SLC29A2: variants seen among roughly 807,000 people sequenced by gnomAD.
SLC29A2 encodes solute carrier family 29 member 2, also known as equilibrative nucleoside transporter 2.
SLC29A2 carries 37 observed loss-of-function variants against 48.8 expected under a neutral mutation model. That is an observed-to-expected ratio of 0.76 (90% CI 0.58 to 1.00). The LOEUF (loss-of-function observed/expected upper bound fraction) is 1.00. SLC29A2 is among the 50% of genes least tolerant of loss of function. The pLI is 0.00. For missense variants in SLC29A2, 533 were observed against 578.6 expected (o/e 0.92, Z 0.81); for synonymous variants, 233 against 261.7 (o/e 0.89, Z 1.06).
intron 1 of SLC29A2, 31 bp downstream of exon 1, chr11:66,371,532 G>T (rs1391057636): frequency 1.3e-6 from 2 of 1,549,854 alleles, no homozygotes; most frequent in Non-Finnish European, 8.7e-7. Flanking sequence ...CAACGCCCCC[G>T]GCCACTTGCA....
intron 2 of SLC29A2, among the ~76,000 whole-genome samples, chr11:66,370,288 T>G (rs1231685618): frequency 1.3e-5 from 2 of 152,218 alleles, no homozygotes; most frequent in African/African-American, 4.8e-5. Flanking sequence ...TGCACTCTGC[T>G]GCAAGCCTGG....
Position 66,369,552 on chromosome 11 carries a change from T to G in SLC29A2, c.112-20A>C. The stretch of plus-strand genomic sequence containing the variant: ...GAAGTACTGCCAGGTGGGGAGGTGG[T>G]GGAGGGTCAGCACCTCTCAGCCTTC... On this transcript the variant is annotated intron_variant, in intron 2 of 11. Coordinates refer to ENST00000357440, the MANE Select transcript of SLC29A2 (RefSeq NM_001532.3). 3 of 1,613,430 alleles carry G rather than the reference T, an allele frequency of 1.9e-6. No homozygotes were observed. The highest frequency in any genetic ancestry group is 2.5e-6 in the Non-Finnish European group (3 of 1,179,804).
rs1323022476 is a variant in SLC29A2 at position 66,366,552 on chromosome 11, A to G, written c.746T>C (p.Ile249Thr). ...AGCTACTTTCTGGGGACTACTGGGA[A>G]TCCCGTTCTCATCTGGGGTGAGGGG... is the stretch of plus-strand genomic sequence containing the variant. ...AELLQSDENGIPSSPQKVALT... is the reference protein window; with the variant it reads ...AELLQSDENGTPSSPQKVALT... Residue 249 changes from isoleucine (I) to threonine (T), a missense_variant, in exon 8 of 12, where the codon ATT becomes ACT. Physicochemically the swap from Ile to Thr is moderately conservative, Grantham distance 89 (BLOSUM62 -1). Transcript: ENST00000357440. 1.9e-6 allele frequency: 3 copies of G among 1,613,580 alleles called. No individual in the cohort carries two copies. The African/African-American group carries it at 4.0e-5, about 22-fold the overall frequency.
chr11:66,364,465 G>GTC, intron 10 of SLC29A2, 41 bp from the exon 11 acceptor site: 1 of 1,526,088 alleles, frequency 6.6e-7, no homozygotes, highest in Non-Finnish European at 9.0e-7. Context: ...CTGGAGCCAG[G>GTC]TCTCTGCTCC....
intron 6 of SLC29A2, 28 bp from the exon 7 acceptor site, chr11:66,367,576 C>T (rs373981070): frequency 2.5e-6 from 4 of 1,610,906 alleles, no homozygotes; most frequent in Non-Finnish European, 3.4e-6. Context: ...AGTGTTGGGC[C>T]TGCCTGGCTT....
Position 66,371,624 on chromosome 11 carries a change from G to C in SLC29A2, c.-33C>G, listed in dbSNP as rs1358541592. 3.9e-6 allele frequency: 6 copies of C among 1,540,712 alleles called. No homozygotes were observed. Among genetic ancestry groups the C allele is most frequent in the Middle Eastern group, 1.8e-4 (1 of 5,498 alleles). On this transcript the variant is annotated 5_prime_UTR_variant, in exon 1 of 12. Transcript: ENST00000357440. ...GCGGCGGATGCGCCTGGGGTGAAAG[G>C]GGCAGAGAAGCCGCACCTGCACCTG...
At position 66,363,441 on chromosome 11, in the gene SLC29A2, G is replaced by A; in HGVS notation, c.1366C>T (p.Leu456Phe). 8 of 1,612,390 alleles carry A rather than the reference G, an allele frequency of 5.0e-6. No homozygotes were observed. The highest frequency in any genetic ancestry group is 5.9e-6 in the Non-Finnish European group (7 of 1,178,434). Residue 456 changes from leucine to phenylalanine, a missense_variant, in exon 12 of 12, where the codon CTC becomes TTC. Physicochemically the swap from Leu to Phe is conservative, Grantham distance 22 (BLOSUM62 0). Transcript: ENST00000357440. ...AAGAGCCTGGAGGGGCCACTTCAGA[G>A]CAGCGCCTTGAAGAGGAAGGAGAGG... ...ASLSFLFKAL[L>F]
chr11:66,369,540 G>T lies in SLC29A2; in HGVS notation c.112-8C>A, dbSNP rs748450205. On this transcript the variant is annotated splice_polypyrimidine_tract_variant and splice_region_variant and intron_variant, in intron 2 of 11. Coordinates refer to ENST00000357440, the MANE Select transcript of SLC29A2 (RefSeq NM_001532.3). ...CAGTCGCGCCTGGAAGTACTGCCAG[G>T]TGGGGAGGTGGTGGAGGGTCAGCAC... 2.5e-6 allele frequency: 4 copies of T among 1,613,620 alleles called. No homozygotes were observed. Among genetic ancestry groups the T allele is most frequent in the East Asian group, 4.5e-5 (2 of 44,878 alleles).
intron 2 of SLC29A2, among the ~76,000 whole-genome samples, chr11:66,370,487 T>C (rs1057184252): frequency 3.9e-5 from 6 of 152,216 alleles, no homozygotes; most frequent in South Asian, 4.1e-4. Context: ...CCCACATTTC[T>C]GCCTTCCCTG....
At chr11:66,371,877 ACCTAGGGG>A (rs1856069084), upstream of SLC29A2, 9 of 504,756 alleles carry the variant, frequency 1.8e-5, no homozygotes, top group East Asian at 1.4e-4. Context: ...GCCCCGCCCC[ACCTAGGGG>A]CCTGCGGAAC....
At chr11:66,369,848 G>A (rs1012607702) in intron 2 of SLC29A2, among the ~76,000 whole-genome samples, 2 of 152,178 alleles carry the variant, frequency 1.3e-5, no homozygotes, top group African/African-American at 2.4e-5. Context: ...TTCATTCCAC[G>A]GGTATTTATT....
chr11:66,367,903 C>T (rs370593832), intron 5 of SLC29A2, 34 bp from the exon 6 acceptor site: 41 of 1,572,192 alleles, frequency 2.6e-5, no homozygotes, highest in Non-Finnish European at 3.2e-5. Flanking sequence ...AAGAGAGGCA[C>T]CTGGTCCCGC....
chr11:66,363,829 G>C (rs1855507822), intron 11 of SLC29A2: 1 of 534,014 alleles, frequency 1.9e-6, no homozygotes. Context: ...ATTCTCTCTG[G>C]ATTCTCCACT....
At chr11:66,369,564 A>G in intron 2 of SLC29A2, 32 bp from the exon 3 acceptor site, 2 of 1,612,526 alleles carry the variant, frequency 1.2e-6, no homozygotes, top group Non-Finnish European at 1.7e-6. Flanking sequence ...GAGGGTCAGC[A>G]CCTCTCAGCC....
chr11:66,371,676 TGGGGCGG>T lies in SLC29A2; in HGVS notation c.-92_-86del. On this transcript the variant is annotated 5_prime_UTR_variant, in exon 1 of 12. Transcript: ENST00000357440. ...GCTGGGGCGGAGGGCCGCAGACCGGTGGGGCGGGGGGCGGGTCTCCCCAGATTCCGGT... is the reference window on the plus strand; with the variant it reads ...GCTGGGGCGGAGGGCCGCAGACCGGTGGGGCGGGTCTCCCCAGATTCCGGT... 1 of 1,246,164 alleles carries T rather than the reference TGGGGCGG, an allele frequency of 8.0e-7. No homozygotes were observed. Among genetic ancestry groups the T allele is most frequent in the Non-Finnish European group, 1.1e-6 (1 of 896,376 alleles). The allele number at this position is 1,246,164 out of a possible 1,614,324, so 77.2% of individuals were successfully genotyped here.
chr11:66,367,735 C>T, intron 6 of SLC29A2, 37 bp downstream of exon 6: 1 of 1,588,030 alleles, frequency 6.3e-7, no homozygotes, highest in Non-Finnish European at 8.6e-7. Flanking sequence ...ATCCAAGATG[C>T]TTTGAGGTGG....
At position 66,369,705 on chromosome 11, in the gene SLC29A2, G is replaced by A. The variant is rs562884937; in HGVS notation, c.112-173C>T. On this transcript the variant is annotated intron_variant, in intron 2 of 11. Transcript: ENST00000357440. ...TCCATGAATGTGTGCTGAGTTAAATGGCTGAAGTCTGGGACACAGCCTAAG... is the reference window on the plus strand; with the variant it reads ...TCCATGAATGTGTGCTGAGTTAAATAGCTGAAGTCTGGGACACAGCCTAAG... Among the ~76,000 whole-genome samples the A allele has an allele frequency of 9.2e-5, 14 of 152,256 alleles. No individual in the cohort carries two copies. The East Asian group carries it at 2.7e-3, about 29-fold the overall frequency.
intron 2 of SLC29A2, among the ~76,000 whole-genome samples, chr11:66,370,338 C>T (rs1335749248): frequency 4.6e-5 from 7 of 152,222 alleles, no homozygotes; most frequent in Non-Finnish European, 7.3e-5. Flanking sequence ...AGCTCTTTGG[C>T]CCCCTCTTGC....
At chr11:66,371,145 G>A in intron 2 of SLC29A2, 99 bp downstream of exon 2, 2 of 1,035,670 alleles carry the variant, frequency 1.9e-6, no homozygotes, top group Non-Finnish European at 3.0e-6. Flanking sequence ...AGGGGTCACA[G>A]GTGCGCGGTG....
Sources: allele counts gnomAD v4.1 joint callset (sites outside exome capture counted in the v4.1 genomes callset), GRCh38; gene constraint gnomAD v4.1.1; transcripts MANE v1.5; gene names NCBI Gene and HGNC (gene_info 2026-07-23, HGNC 2026-07-21).